Variants in SLC4A8 observed in about 807,000 individuals in gnomAD.
SLC4A8 encodes solute carrier family 4 member 8, also known as electroneutral sodium bicarbonate exchanger 1.
SLC4A8 carries 40 observed loss-of-function variants against 125.0 expected under a neutral mutation model. That is an observed-to-expected ratio of 0.32 (90% CI 0.25 to 0.42). The LOEUF (loss-of-function observed/expected upper bound fraction) is 0.42, where lower values mean the gene tolerates loss of function less well. SLC4A8 is among the 10% of genes least tolerant of loss of function. The pLI is 1.00. For synonymous variants in SLC4A8, 456 were observed against 476.0 expected, an observed-to-expected ratio of 0.96 and a Z score of 0.55; for missense variants, 863 against 1,355.1, an observed-to-expected ratio of 0.64 and a Z score of 5.70.
rs1023532033 is a variant in SLC4A8 at position 51,444,689 on chromosome 12, C to T, written c.130+3900C>T. On this transcript the variant is annotated intron_variant, in intron 2 of 24. Coordinates refer to ENST00000453097, the MANE Select transcript of SLC4A8 (RefSeq NM_001039960.3). The stretch of plus-strand genomic sequence containing the variant: ...GAACAATTGAACCATCGTGTCTTTT[C>T]TGAAGAATAACCTAGCCTGAAACTT... Among the ~76,000 whole-genome samples the T allele has an allele frequency of 2.0e-5, 3 of 152,160 alleles. No individual in the cohort carries two copies. In the East Asian group the frequency reaches 5.8e-4, roughly 29 times the overall value.
chr12:51,446,779 G>A (rs1457515992), intron 2 of SLC4A8, among the ~76,000 whole-genome samples: 1 of 152,194 alleles, frequency 6.6e-6, no homozygotes, highest in South Asian at 2.1e-4. Flanking sequence ...TCCTGAGGAG[G>A]TCCTAAGGGC....
rs1191505020 is a variant in SLC4A8 at position 51,448,436 on chromosome 12, G to T, written c.131-2440G>T. 2.6e-5 allele frequency among the ~76,000 whole-genome samples: 4 copies of T among 152,186 alleles called. No individual in the cohort carries two copies. The East Asian group carries it at 5.8e-4, about 22-fold the overall frequency. ...ATTTGAGATGGAGGATGGTGAGTTTGCTTTGTGACATGTTCAATCATTGTA... is the reference window on the plus strand; with the variant it reads ...ATTTGAGATGGAGGATGGTGAGTTTTCTTTGTGACATGTTCAATCATTGTA... On this transcript the variant is annotated intron_variant, in intron 2 of 24. Coordinates refer to ENST00000453097, the MANE Select transcript of SLC4A8 (RefSeq NM_001039960.3).
chr12:51,427,558 T>G (rs1261818565), intron 1 of SLC4A8, among the ~76,000 whole-genome samples: 2 of 151,818 alleles, frequency 1.3e-5, no homozygotes, highest in Non-Finnish European at 2.9e-5. Context: ...ATTTGAGAGA[T>G]AGGGAGGAAA....
intron 2 of SLC4A8, among the ~76,000 whole-genome samples, chr12:51,442,733 A>T (rs1949642302): frequency 6.6e-6 from 1 of 152,206 alleles, no homozygotes; most frequent in South Asian, 2.1e-4. Flanking sequence ...ACCAGATCTC[A>T]GGCCTGATGT....
In SLC4A8 at chr12:51,450,891, A is replaced by G. The variant is rs373347148; in HGVS notation, c.146A>G (p.Tyr49Cys). The G allele has an allele frequency of 1.9e-5, 31 of 1,613,238 alleles. No individual in the cohort carries two copies. The highest frequency in any genetic ancestry group is 2.5e-5 in the Non-Finnish European group (30 of 1,179,678). Residue 49 changes from tyrosine to cysteine, a missense_variant, in exon 3 of 25, where the codon TAT becomes TGT. Tyr to Cys is a radical substitution (Grantham distance 194). This residue lies in a region of SLC4A8 where 104 missense variants were observed against 116.4 expected (regional missense o/e 0.89). Coordinates refer to ENST00000453097, the MANE Select transcript of SLC4A8 (RefSeq NM_001039960.3). ...TTCTTTCCAGGTCACAGAACTCTGT[A>G]TGTGGGAGTTCGGATGCCGCTTGGC... ...KEELEGHRTL[Y>C]VGVRMPLGRQ...
At chr12:51,403,946 A>G (rs1948442621) in intron 1 of SLC4A8, among the ~76,000 whole-genome samples, 1 of 152,252 alleles carries the variant, frequency 6.6e-6, no homozygotes, top group Admixed American at 6.5e-5. Flanking sequence ...AAGGCACAAA[A>G]GTTGCACAAC....
At chr12:51,405,599 T>A (rs1302065153) in intron 1 of SLC4A8, among the ~76,000 whole-genome samples, 1 of 152,204 alleles carries the variant, frequency 6.6e-6, no homozygotes, top group East Asian at 1.9e-4. Context: ...TCTTGCTATG[T>A]TTCCCAGGCT....
At position 51,510,992 on chromosome 12, in the gene SLC4A8, G is replaced by A. The variant is rs1165881528; in HGVS notation, c.*3554G>A. 1 of 152,208 alleles carries A rather than the reference G, an allele frequency of 6.6e-6. No individual in the cohort carries two copies. Among genetic ancestry groups the A allele is most frequent in the East Asian group, 1.9e-4 (1 of 5,186 alleles). The allele number at this position is 152,208 out of a possible 1,614,324, so 9.4% of individuals were successfully genotyped here. A position where few individuals can be genotyped will look rare whatever the true frequency, so the allele number is the denominator to read the frequency against. On this transcript the variant is annotated 3_prime_UTR_variant, in exon 25 of 25. Transcript: ENST00000453097. ...GGACTGTCACCTGTTGCAGATGATG[G>A]TGATTCTCTTCTTTTTTTTGTCTCC...
At position 51,472,772 on chromosome 12, in the gene SLC4A8, A is replaced by AT. The variant is rs11393116; in HGVS notation, c.1904+1249dup. Among the ~76,000 whole-genome samples the AT allele has an allele frequency of 2.5e-3, 373 of 151,554 alleles. 2 individuals carry two copies. Among genetic ancestry groups the AT allele is most frequent in the African/African-American group, 8.5e-3 (353 of 41,352 alleles). ...CTTTGTTAATAAAGCTCAAGATGAT[A>AT]TTTTTTTTTAGTTGCATTCTACTGT... On this transcript the variant is annotated intron_variant, in intron 14 of 24. Coordinates refer to ENST00000453097, the MANE Select transcript of SLC4A8 (RefSeq NM_001039960.3).
chr12:51,470,327 A>G, intron 12 of SLC4A8, 65 bp from the exon 13 acceptor site: 1 of 1,502,512 alleles, frequency 6.7e-7, no homozygotes, highest in Non-Finnish European at 9.1e-7. Context: ...TCAGGAATGT[A>G]GCTAAGCCAA....
At chr12:51,503,201 G>GATT (rs1292016480) in intron 22 of SLC4A8, among the ~76,000 whole-genome samples, 1 of 150,774 alleles carries the variant, frequency 6.6e-6, no homozygotes, top group Non-Finnish European at 1.5e-5. Flanking sequence ...TTACCTTATG[G>GATT]ATTATTATTA....
Position 51,488,865 on chromosome 12 carries a change from A to C in SLC4A8, c.2448+5A>C, listed in dbSNP as rs1304410878. 4.3e-6 allele frequency: 7 copies of C among 1,609,944 alleles called. No homozygotes were observed. The highest frequency in any genetic ancestry group is 5.9e-6 in the Non-Finnish European group (7 of 1,177,616). ...AGGAAGGAACATAAGCTCAAGGTAA[A>C]AAGAGGTTCTGACCTAGAAGGCTGC... On this transcript the variant is annotated splice_donor_5th_base_variant and intron_variant, in intron 18 of 24. Coordinates refer to ENST00000453097, the MANE Select transcript of SLC4A8 (RefSeq NM_001039960.3).
intron 16 of SLC4A8, among the ~76,000 whole-genome samples, chr12:51,478,674 T>G (rs1223000533): frequency 1.3e-5 from 2 of 152,262 alleles, no homozygotes; most frequent in Admixed American, 1.3e-4. Flanking sequence ...GATTTATTGC[T>G]GTCTGCTTAA....
intron 1 of SLC4A8, among the ~76,000 whole-genome samples, chr12:51,404,426 T>A (rs1343925733): frequency 6.6e-6 from 1 of 152,112 alleles, no homozygotes; most frequent in Non-Finnish European, 1.5e-5. Context: ...GCCAGCCAGG[T>A]GAATCTTAAA....
At chr12:51,400,087 C>A (rs1233180418) in intron 1 of SLC4A8, among the ~76,000 whole-genome samples, 1 of 152,110 alleles carries the variant, frequency 6.6e-6, no homozygotes, top group Non-Finnish European at 1.5e-5. Flanking sequence ...AGAGGCCATG[C>A]AGACCCAAGC....
At chr12:51,421,144 GT>G (rs1948781747), upstream of SLC4A8, among the ~76,000 whole-genome samples, 1 of 152,124 alleles carries the variant, frequency 6.6e-6, no homozygotes, top group African/African-American at 2.4e-5. Flanking sequence ...CTGTTCTGCT[GT>G]TTTTTTCTGA....
intron 1 of SLC4A8, among the ~76,000 whole-genome samples, chr12:51,402,005 T>G (rs1402877442): frequency 6.6e-6 from 1 of 152,118 alleles, no homozygotes; most frequent in African/African-American, 2.4e-5. Context: ...TGAGCTTAAG[T>G]GATCCTCCTC....
At chr12:51,442,275 T>C (rs1949625204) in intron 2 of SLC4A8, among the ~76,000 whole-genome samples, 1 of 152,194 alleles carries the variant, frequency 6.6e-6, no homozygotes, top group Non-Finnish European at 1.5e-5. Flanking sequence ...TGTATGTTGC[T>C]CTTGCCTCTT....
rs144883392 is a variant in SLC4A8, at chr12:51,448,724, G to C, written c.131-2152G>C. 1.9e-3 allele frequency among the ~76,000 whole-genome samples: 290 copies of C among 152,300 alleles called. 1 individual carries two copies. The highest frequency in any genetic ancestry group is 6.7e-3 in the African/African-American group (277 of 41,566). On this transcript the variant is annotated intron_variant, in intron 2 of 24. Coordinates refer to ENST00000453097, the MANE Select transcript of SLC4A8 (RefSeq NM_001039960.3). The stretch of plus-strand genomic sequence containing the variant: ...CTCTCAAGAAAGTCTTTTGAACTAA[G>C]CTGAGAGAGATGTAAGATGATAGAG...
Sources: gnomAD v4.1 joint callset for allele counts (sites outside exome capture counted in the v4.1 genomes callset) on GRCh38, gnomAD v4.1.1 for gene constraint, gnomAD v4.1.1 regional missense constraint, MANE v1.5 for transcripts, NCBI Gene and HGNC (gene_info 2026-07-23, HGNC 2026-07-21) for gene names.